The following ERC2 variants were observed in gnomAD, a reference collection of about 807,000 sequenced individuals.
ERC2 encodes the protein ELKS/RAB6-interacting/CAST family member 2.
In ERC2, 42 loss-of-function variants were observed where a neutral mutation model predicts 114.8. The observed-to-expected ratio is 0.37, with a 90% CI of 0.29 to 0.47. The LOEUF is 0.47. Ranked by LOEUF, ERC2 falls within the 20% of genes least tolerant of loss-of-function variation. The probability of loss-of-function intolerance (pLI) is 0.99; values close to 1 mark genes in which losing one functional copy is unlikely to be tolerated. For missense variants in ERC2, 939 were observed against 1,150.7 expected, an observed-to-expected ratio of 0.82 and a Z score of 2.66; for synonymous variants, 454 against 425.5, an observed-to-expected ratio of 1.07 and a Z score of -0.82.
At chr3:56,299,057 A>G (rs13096861) in intron 2 of ERC2, among the ~76,000 whole-genome samples, 38,576 of 148,396 alleles carry the variant, frequency 0.26, 5,774 homozygotes, top group Non-Finnish European at 0.33. Context: ...CATTTTATAT[A>G]TCTATATATA....
intron 10 of ERC2, among the ~76,000 whole-genome samples, chr3:55,999,035 C>T (rs1191891797): frequency 7.9e-6 from 1 of 127,386 alleles, no homozygotes; most frequent in East Asian, 2.2e-4. Flanking sequence ...AATTGAGGGA[C>T]CCAGAAGGTC....
intron 2 of ERC2, among the ~76,000 whole-genome samples, chr3:56,326,044 C>G (rs572395772): frequency 6.6e-6 from 1 of 152,236 alleles, no homozygotes; most frequent in African/African-American, 2.4e-5. Context: ...CTACTCCTCA[C>G]TCTCCTTCTT....
chr3:55,701,556 A>C (rs1167901415), intron 15 of ERC2, among the ~76,000 whole-genome samples: 1 of 152,210 alleles, frequency 6.6e-6, no homozygotes, highest in Non-Finnish European at 1.5e-5. Context: ...TTAAAAAAAA[A>C]CTGTCTATAT....
chr3:55,576,777 G>A (rs755804851), intron 17 of ERC2, among the ~76,000 whole-genome samples: 1 of 152,174 alleles, frequency 6.6e-6, no homozygotes, highest in Admixed American at 6.5e-5. Flanking sequence ...CTTCCTGCCC[G>A]ACCCCACCAT....
intron 2 of ERC2, among the ~76,000 whole-genome samples, chr3:56,417,075 G>C (rs1427279549): frequency 6.6e-6 from 1 of 152,236 alleles, no homozygotes; most frequent in Non-Finnish European, 1.5e-5. Context: ...TGTAGACTGA[G>C]ATGAGCAAAA....
chr3:56,411,563 A>G (rs2060941650), intron 2 of ERC2, among the ~76,000 whole-genome samples: 1 of 152,096 alleles, frequency 6.6e-6, no homozygotes, highest in Non-Finnish European at 1.5e-5. Flanking sequence ...TTAAAGTCAT[A>G]TGCATAAACT....
intron 6 of ERC2, among the ~76,000 whole-genome samples, chr3:56,126,601 A>C (rs1312340171): frequency 6.6e-6 from 1 of 152,080 alleles, no homozygotes; most frequent in Non-Finnish European, 1.5e-5. Context: ...TACAGAAATA[A>C]AAATAAATTA....
intron 17 of ERC2, among the ~76,000 whole-genome samples, chr3:55,556,564 G>A (rs1259310380): frequency 6.6e-6 from 1 of 152,204 alleles, no homozygotes; most frequent in East Asian, 1.9e-4. Context: ...AGTGAGAGGA[G>A]CTGAGAATTT....
intron 3 of ERC2, among the ~76,000 whole-genome samples, chr3:56,204,708 G>A (rs1407829247): frequency 6.6e-6 from 1 of 151,678 alleles, no homozygotes; most frequent in Non-Finnish European, 1.5e-5. Context: ...TCACCACACT[G>A]GCCAGGATGG....
intron 17 of ERC2, among the ~76,000 whole-genome samples, chr3:55,580,956 C>T (rs534244474): frequency 1.4e-4 from 21 of 152,236 alleles, no homozygotes; most frequent in African/African-American, 4.8e-4. Context: ...AATACTTGAA[C>T]GAAGGCTTGA....
At chr3:56,230,401 T>C (rs1026098664) in intron 3 of ERC2, among the ~76,000 whole-genome samples, 1 of 152,144 alleles carries the variant, frequency 6.6e-6, no homozygotes, top group African/African-American at 2.4e-5. Flanking sequence ...ACTGCATCCA[T>C]GTATCACCCA....
chr3:55,579,709 C>A (rs1398978910), intron 17 of ERC2, among the ~76,000 whole-genome samples: 1 of 152,232 alleles, frequency 6.6e-6, no homozygotes, highest in Non-Finnish European at 1.5e-5. Flanking sequence ...ATGATTCATT[C>A]TTCCACCCAG....
At chr3:55,913,022 G>A (rs1311928524) in intron 13 of ERC2, among the ~76,000 whole-genome samples, 1 of 151,896 alleles carries the variant, frequency 6.6e-6, no homozygotes, top group African/African-American at 2.4e-5. Context: ...GTCTTGCTCT[G>A]TTGCCCAGGC....
intron 17 of ERC2, among the ~76,000 whole-genome samples, chr3:55,533,851 G>T (rs546773624): frequency 6.6e-6 from 1 of 152,120 alleles, no homozygotes; most frequent in Non-Finnish European, 1.5e-5. Flanking sequence ...CATTTCCTTC[G>T]AATTCAAGAT....
intron 13 of ERC2, among the ~76,000 whole-genome samples, chr3:55,948,768 T>C (rs1428052023): frequency 1.3e-5 from 2 of 152,220 alleles, no homozygotes; most frequent in African/African-American, 4.8e-5. Context: ...AAGAAATTAC[T>C]ATATATAGAA....
rs559968251 is a variant in ERC2, at chr3:56,258,199, G to A, written c.1074+37820C>T. Among the ~76,000 whole-genome samples, 133 of 152,244 alleles carry A rather than the reference G, an allele frequency of 8.7e-4. 3 individuals carry two copies. The South Asian group carries it at 0.012, about 14-fold the overall frequency. On this transcript the variant is annotated intron_variant, in intron 3 of 17. Coordinates refer to ENST00000288221, the MANE Select transcript of ERC2 (RefSeq NM_015576.3). The stretch of plus-strand genomic sequence containing the variant: ...ACCTTTAAAACTCACTGACCAAGAT[G>A]ATCTAGACTAGGGATTGGTAAATTC...
intron 13 of ERC2, among the ~76,000 whole-genome samples, chr3:55,920,415 A>AACACACACACACACACAC (rs10560997): frequency 2.7e-5 from 4 of 146,720 alleles, no homozygotes; most frequent in Non-Finnish European, 1.5e-5. Context: ...GGCACACTAA[A>AACACACACACACACACAC]ACACACACAC....
At chr3:55,851,839 T>C (rs751029270) in intron 14 of ERC2, among the ~76,000 whole-genome samples, 21 of 152,022 alleles carry the variant, frequency 1.4e-4, no homozygotes, top group Non-Finnish European at 2.9e-4. Flanking sequence ...GGAGAAGATA[T>C]GACAACAGAG....
chr3:55,667,662 G>A (rs938575074), intron 17 of ERC2, among the ~76,000 whole-genome samples: 9 of 152,150 alleles, frequency 5.9e-5, no homozygotes, highest in Non-Finnish European at 8.8e-5. Flanking sequence ...CAATTACACC[G>A]TGCCCAGCAC....
Sources: gnomAD v4.1 joint callset for allele counts (sites outside exome capture counted in the v4.1 genomes callset) on GRCh38, gnomAD v4.1.1 for gene constraint, MANE v1.5 for transcripts, NCBI Gene and HGNC (gene_info 2026-07-23, HGNC 2026-07-21) for gene names.